The following UFD1 variants were observed in gnomAD, a reference collection of about 807,000 sequenced individuals.
UFD1 encodes the protein ubiquitin recognition factor in ER-associated degradation protein 1.
Under a neutral mutation model 45.9 loss-of-function variants are expected in UFD1, and 13 were observed. That is an observed-to-expected ratio of 0.28 (90% CI 0.18 to 0.45). The LOEUF is 0.45. Ranked by LOEUF, UFD1 falls within the 20% of genes least tolerant of loss-of-function variation. The pLI is 1.00. For missense variants in UFD1, 218 were observed against 389.2 expected (o/e 0.56, Z 3.70); for synonymous variants, 128 against 139.2 (o/e 0.92, Z 0.56).
intron 5 of UFD1, chr22:19,467,210 T>A (rs1190279011): frequency 4.0e-5 from 6 of 149,192 alleles, no homozygotes; most frequent in African/African-American, 1.5e-4. Flanking sequence ...AAAAAAGAAG[T>A]AGAATGGAGT....
intron 1 of UFD1, among the ~76,000 whole-genome samples, chr22:19,476,206 G>A (rs1259674160): frequency 6.6e-6 from 1 of 152,140 alleles, no homozygotes; most frequent in East Asian, 1.9e-4. Flanking sequence ...AAGGGACTCT[G>A]CACAAAGACC....
intron 6 of UFD1, among the ~76,000 whole-genome samples, chr22:19,462,923 C>T (rs983561386): frequency 2.0e-5 from 3 of 152,138 alleles, no homozygotes; most frequent in Non-Finnish European, 1.5e-5. Flanking sequence ...AATATTTTCA[C>T]TTTGCCCTTA....
chr22:19,455,055 T>C (rs184179976), intron 10 of UFD1, among the ~76,000 whole-genome samples: 136 of 151,958 alleles, frequency 8.9e-4, no homozygotes, highest in African/African-American at 2.3e-3. Context: ...TACCTGTCTA[T>C]GGAGAGGGGT....
At position 19,479,146 on chromosome 22, in the gene UFD1, ACCG is replaced by A; in HGVS notation, c.-64_-62del. On this transcript the variant is annotated 5_prime_UTR_variant, in exon 1 of 12. Coordinates refer to ENST00000263202, the MANE Select transcript of UFD1 (RefSeq NM_005659.7). ...GCAATGCAACGAAGAAACCCCGCCG[ACCG>A]CTCTCCCAGCCGCCGCTGCCGCTGC... is the stretch of plus-strand genomic sequence containing the variant. 6.3e-7 allele frequency: 1 copy of A among 1,592,404 alleles called. No homozygotes were observed.
chr22:19,471,313 A>G (rs778266079), intron 4 of UFD1: 1 of 539,098 alleles, frequency 1.9e-6, no homozygotes. Flanking sequence ...GCTGTGACAG[A>G]CTACTAAAAG....
intron 7 of UFD1, 139 bp from the exon 8 acceptor site, chr22:19,457,057 G>A (rs559896442): frequency 1.5e-6 from 1 of 675,658 alleles, no homozygotes; most frequent in East Asian, 2.7e-5. Context: ...CACTTGCCCA[G>A]TTTTCCCAAC....
intron 1 of UFD1, among the ~76,000 whole-genome samples, chr22:19,477,425 T>A (rs574698296): frequency 6.6e-6 from 1 of 152,320 alleles, no homozygotes; most frequent in African/African-American, 2.4e-5. Context: ...CCAAGTGAAG[T>A]AAGTCAGTCA....
Position 19,456,864 on chromosome 22 carries a change from C to T in UFD1, c.619G>A (p.Glu207Lys). 6.2e-7 allele frequency: 1 copy of T among 1,613,592 alleles called. No homozygotes were observed. The highest frequency in any genetic ancestry group is 8.5e-7 in the Non-Finnish European group (1 of 1,179,724). The change falls in exon 8 of 12, where the codon GAG becomes AAG. Residue 207 changes from glutamate (E) to lysine (K), a missense_variant. Glu to Lys is a moderately conservative substitution (Grantham distance 56). Around this residue, in one of 2 missense-constraint regions of UFD1, gnomAD observed 149 missense variants for 307.5 expected, o/e 0.48. Transcript: ENST00000263202. The stretch of plus-strand genomic sequence containing the variant: ...AGGATAACACTTACTGTCGACTCCT[C>T]ATGCTGGACTTGTCTTTCGGGTTCT... ...YKEPERQVQH[E>K]ESTEGEADHS... is the part of the protein sequence containing the mutation.
chr22:19,457,969 C>T lies in UFD1; in HGVS notation c.564+102G>A. The stretch of plus-strand genomic sequence containing the variant: ...TCTTCCTCCTCTTTACCCAGAGTCC[C>T]AGGGGCTGTTTGATGCCCTCCTGAC... On this transcript the variant is annotated intron_variant, in intron 7 of 11. Transcript: ENST00000263202. 4 of 1,195,876 alleles carry T rather than the reference C, an allele frequency of 3.3e-6. No individual in the cohort carries two copies. In the South Asian group the frequency reaches 3.7e-5, roughly 11 times the overall value. 74.1% of individuals were successfully genotyped at this position (1,195,876 alleles called of 1,614,324 possible).
chr22:19,460,601 C>A (rs1273287749), intron 6 of UFD1, among the ~76,000 whole-genome samples: 1 of 152,030 alleles, frequency 6.6e-6, no homozygotes, highest in Non-Finnish European at 1.5e-5. Flanking sequence ...TGCACAGAAG[C>A]AAGACACAAC....
At chr22:19,459,882 G>A (rs1284233149) in intron 6 of UFD1, among the ~76,000 whole-genome samples, 1 of 151,698 alleles carries the variant, frequency 6.6e-6, no homozygotes, top group East Asian at 2.0e-4. Flanking sequence ...GGGACTACAG[G>A]TGCGTGCCAC....
In UFD1 at chr22:19,477,006, C is replaced by CAAA. The variant is rs35775775; in HGVS notation, c.4-1407_4-1405dup. On this transcript the variant is annotated intron_variant, in intron 1 of 11. Coordinates refer to ENST00000263202, the MANE Select transcript of UFD1 (RefSeq NM_005659.7). ...TGGGCAACAGAGCAAGACTCCATCT[C>CAAA]AAAAAAAAAAAAAAAAAAAAGTTTA... is the stretch of plus-strand genomic sequence containing the variant. 3.4e-3 allele frequency among the ~76,000 whole-genome samples: 337 copies of CAAA among 97,950 alleles called. 6 individuals carry two copies. The highest frequency in any genetic ancestry group is 0.011 in the South Asian group (31 of 2,696). 64.3% of individuals were successfully genotyped at this position (97,950 alleles called of 152,430 possible). A position where few individuals can be genotyped will look rare whatever the true frequency, so the allele number is the denominator to read the frequency against.
At chr22:19,471,004 G>A (rs2089840917) in intron 4 of UFD1, among the ~76,000 whole-genome samples, 1 of 152,200 alleles carries the variant, frequency 6.6e-6, no homozygotes, top group Non-Finnish European at 1.5e-5. Context: ...CCAGAGCTGG[G>A]GAGAGGAGTG....
At chr22:19,478,635 C>T (rs1054023979) in intron 1 of UFD1, 1 of 237,160 alleles carries the variant, frequency 4.2e-6, no homozygotes, top group Non-Finnish European at 8.1e-6. Context: ...GGCACGAACC[C>T]GTAGGCACGG....
At chr22:19,451,608 T>C in intron 11 of UFD1, 1 of 985,496 alleles carries the variant, frequency 1.0e-6, no homozygotes, top group Non-Finnish European at 1.2e-6. Context: ...AAGAGGATTC[T>C]GGAATGTTCA....
At chr22:19,459,044 G>C (rs2089744914) in intron 6 of UFD1, among the ~76,000 whole-genome samples, 1 of 152,128 alleles carries the variant, frequency 6.6e-6, no homozygotes, top group South Asian at 2.1e-4. Context: ...ATACTGTACT[G>C]AAGATCAAAA....
At chr22:19,471,598 G>A (rs1218724854) in intron 4 of UFD1, 89 bp downstream of exon 4, 9 of 1,538,184 alleles carry the variant, frequency 5.9e-6, no homozygotes, top group Non-Finnish European at 7.9e-6. Flanking sequence ...AGTAGGCGGG[G>A]CCACCTGCTC....
At chr22:19,469,929 G>C (rs1297368280) in intron 4 of UFD1, 1 of 518,514 alleles carries the variant, frequency 1.9e-6, no homozygotes, top group Non-Finnish European at 3.9e-6. Context: ...CAAACTTCAA[G>C]TCTATGGGTT....
At chr22:19,478,384 A>G (rs2089907527) in intron 1 of UFD1, among the ~76,000 whole-genome samples, 1 of 152,210 alleles carries the variant, frequency 6.6e-6, no homozygotes, top group African/African-American at 2.4e-5. Flanking sequence ...AGCCAGACAG[A>G]CTTGGCTTCA....
Sources: allele counts gnomAD v4.1 joint callset (sites outside exome capture counted in the v4.1 genomes callset), GRCh38; gene constraint gnomAD v4.1.1; regional missense constraint gnomAD v4.1.1; transcripts MANE v1.5; gene names NCBI Gene and HGNC (gene_info 2026-07-23, HGNC 2026-07-21).